CDKN3: variants seen among roughly 807,000 people sequenced by gnomAD.
CDKN3 encodes the protein cyclin-dependent kinase inhibitor 3.
In CDKN3, 19 loss-of-function variants were observed where a neutral mutation model predicts 36.1. That is an observed-to-expected ratio of 0.53 (90% CI 0.37 to 0.77). The LOEUF is 0.77. Ranked by LOEUF, CDKN3 falls within the 30% of genes least tolerant of loss-of-function variation. The pLI is 0.00. For missense variants in CDKN3, 188 were observed against 248.6 expected (o/e 0.76, Z 1.64); for synonymous variants, 71 against 85.3 (o/e 0.83, Z 0.92).
chr14:54,406,427 A>C (rs1224930894), intron 3 of CDKN3, among the ~76,000 whole-genome samples: 1 of 152,086 alleles, frequency 6.6e-6, no homozygotes, highest in East Asian at 1.9e-4. Flanking sequence ...AATATCCTGA[A>C]GTGTGTTTTC....
At chr14:54,404,344 G>A (rs994408351) in intron 3 of CDKN3, among the ~76,000 whole-genome samples, 2 of 152,134 alleles carry the variant, frequency 1.3e-5, no homozygotes, top group African/African-American at 4.8e-5. Flanking sequence ...TTGTAGAGGT[G>A]TTTATAGTAT....
At chr14:54,418,614 A>G (rs1287633518) in intron 7 of CDKN3, among the ~76,000 whole-genome samples, 1 of 152,242 alleles carries the variant, frequency 6.6e-6, no homozygotes, top group African/African-American at 2.4e-5. Context: ...CCCTCTCAGC[A>G]TTAGAATCCG....
chr14:54,409,467 A>C (rs1475030206), intron 4 of CDKN3, among the ~76,000 whole-genome samples: 1 of 152,180 alleles, frequency 6.6e-6, no homozygotes, highest in Non-Finnish European at 1.5e-5. Context: ...GATTCTAACT[A>C]GTATAGATTT....
chr14:54,397,205 C>A, intron 1 of CDKN3, 128 bp downstream of exon 1: 1 of 1,121,878 alleles, frequency 8.9e-7, no homozygotes, highest in Non-Finnish European at 1.2e-6. Flanking sequence ...AACCGTTCTG[C>A]GGGTCGGGGA....
rs558022695 is a variant in CDKN3, at chr14:54,420,049, G to C, written c.610G>C (p.Asp204His). 8 of 1,605,094 alleles carry C rather than the reference G, an allele frequency of 5.0e-6. No homozygotes were observed. The African/African-American group carries it at 1.1e-4, about 21-fold the overall frequency. Residue 204 changes from aspartate to histidine, a missense_variant, in exon 8 of 8, where the codon GAT becomes CAT. Coordinates refer to ENST00000335183, the MANE Select transcript of CDKN3 (RefSeq NM_005192.4). ...ATTAGCTGCACATCTATCATCAAGA[G>C]ATTCACAATCAAGATCTGTATCAAG... ...DKLAAHLSSR[D>H]SQSRSVSR is the part of the protein sequence containing the mutation.
rs760749073 is a variant in CDKN3 at position 54,399,896 on chromosome 14, C to T, written c.12C>T (p.Pro4=). 1 of 1,546,692 alleles carries T rather than the reference C, an allele frequency of 6.5e-7. No individual in the cohort carries two copies. The highest frequency in any genetic ancestry group is 8.9e-7 in the Non-Finnish European group (1 of 1,119,682). Residue 4 remains proline, a splice_region_variant and synonymous_variant, in exon 2 of 8, where the codon CCC becomes CCT. Coordinates refer to ENST00000335183, the MANE Select transcript of CDKN3 (RefSeq NM_005192.4). The part of the protein sequence containing the change: MKP[P]SSIQTSEFDS... Reference sequence around the variant, plus strand: ...TTAACATAACATTTCTTTTGAAGCCCAGTTCAATACAAACAAGTGAGTTTG... The same window carrying T: ...TTAACATAACATTTCTTTTGAAGCCTAGTTCAATACAAACAAGTGAGTTTG...
In CDKN3 at chr14:54,397,085, G is replaced by A. The variant is rs1886327701; in HGVS notation, c.9+8G>A. The A allele has an allele frequency of 1.3e-6, 2 of 1,501,002 alleles. No homozygotes were observed. Among genetic ancestry groups the A allele is most frequent in the Non-Finnish European group, 8.9e-7 (1 of 1,122,086 alleles). The allele number at this position is 1,501,002 out of a possible 1,614,324, so 93.0% of individuals were successfully genotyped here. On this transcript the variant is annotated splice_region_variant and intron_variant, in intron 1 of 7. Coordinates refer to ENST00000335183, the MANE Select transcript of CDKN3 (RefSeq NM_005192.4). ...CGGCCAGCGATGAAGCCGGTGAGTC[G>A]GACGTGCTGGGGTTTGGAGGAGCGA...
rs2029966491 is a variant in CDKN3, at chr14:54,402,081, GC to G, written c.148+504del. ...AAATTAGCTGGGCATGGTGGCACGT[GC>G]CTATAGTCCCAGCTACTTGGGAGGC... On this transcript the variant is annotated intron_variant, in intron 3 of 7. Transcript: ENST00000335183. Among the ~76,000 whole-genome samples, 3 of 151,918 alleles carry G rather than the reference GC, an allele frequency of 2.0e-5. No homozygotes were observed. The South Asian group carries it at 6.2e-4, about 32-fold the overall frequency.
At chr14:54,418,231 G>A (rs1241029606) in intron 7 of CDKN3, 1 of 702,282 alleles carries the variant, frequency 1.4e-6, no homozygotes, top group South Asian at 1.5e-5. Context: ...CTACTTCTCA[G>A]TTTTTGCCCC....
At chr14:54,416,145 C>T (rs751919396) in intron 6 of CDKN3, among the ~76,000 whole-genome samples, 1 of 152,174 alleles carries the variant, frequency 6.6e-6, no homozygotes, top group Non-Finnish European at 1.5e-5. Context: ...TCTGGCAAAA[C>T]ATCATTTACA....
intron 4 of CDKN3, among the ~76,000 whole-genome samples, chr14:54,409,407 G>T (rs186895215): frequency 2.6e-4 from 39 of 152,222 alleles, no homozygotes; most frequent in Admixed American, 1.4e-3. Context: ...AAACCTACTA[G>T]TCCTACCGAT....
At chr14:54,402,198 C>G (rs1594599551) in intron 3 of CDKN3, among the ~76,000 whole-genome samples, 1 of 139,580 alleles carries the variant, frequency 7.2e-6, no homozygotes, top group African/African-American at 2.7e-5. Context: ...GAGCGAGACT[C>G]TGTCTCAAAA....
intron 3 of CDKN3, among the ~76,000 whole-genome samples, chr14:54,402,182 G>A (rs1272763854): frequency 2.0e-5 from 3 of 148,950 alleles, no homozygotes; most frequent in Non-Finnish European, 4.4e-5. Context: ...CTCCAGCCTG[G>A]CAACAGAGCG....
intron 4 of CDKN3, 85 bp downstream of exon 4, chr14:54,408,874 T>G (rs1327798268): frequency 9.2e-6 from 4 of 432,720 alleles, no homozygotes; most frequent in Admixed American, 7.4e-5. Flanking sequence ...AACAAATCAG[T>G]TTTTTTTTAA....
intron 3 of CDKN3, among the ~76,000 whole-genome samples, chr14:54,403,614 T>C (rs2139970596): frequency 6.6e-6 from 1 of 152,372 alleles, no homozygotes; most frequent in Middle Eastern, 3.4e-3. Context: ...TCTTGTCTTA[T>C]GACGGTTTTC....
Position 54,420,070 on chromosome 14 carries a change from T to C in CDKN3, c.631T>C (p.Ser211Pro), listed in dbSNP as rs77036758. The C allele has an allele frequency of 5.7e-6, 9 of 1,585,474 alleles. No homozygotes were observed. Among genetic ancestry groups the C allele is most frequent in the Non-Finnish European group, 7.8e-6 (9 of 1,154,448 alleles). Residue 211 changes from serine to proline, a missense_variant, in exon 8 of 8, where the codon TCA becomes CCA. Transcript: ENST00000335183. ...AAGAGATTCACAATCAAGATCTGTA[T>C]CAAGATAAAGGAATTCAAATAGCAT... ...SSRDSQSRSV[S>P]R
At chr14:54,398,289 C>T (rs977816891) in intron 1 of CDKN3, among the ~76,000 whole-genome samples, 19 of 152,230 alleles carry the variant, frequency 1.2e-4, no homozygotes, top group Non-Finnish European at 2.9e-5. Flanking sequence ...GGGACATCAG[C>T]TGTCCTTCAC....
intron 1 of CDKN3, among the ~76,000 whole-genome samples, chr14:54,399,044 G>T (rs984128715): frequency 7.5e-5 from 10 of 133,202 alleles, no homozygotes; most frequent in African/African-American, 2.5e-4. Context: ...GGAGTGCAGT[G>T]GTGTGTTCCT....
At chr14:54,415,806 G>A in intron 5 of CDKN3, 93 bp from the exon 6 acceptor site, 1 of 871,554 alleles carries the variant, frequency 1.1e-6, no homozygotes, top group Non-Finnish European at 2.0e-6. Context: ...CTAGGCATTA[G>A]AGTTGTAAAT....
Sources: gnomAD v4.1 joint callset for allele counts (sites outside exome capture counted in the v4.1 genomes callset) on GRCh38, gnomAD v4.1.1 for gene constraint, MANE v1.5 for transcripts, NCBI Gene and HGNC (gene_info 2026-07-23, HGNC 2026-07-21) for gene names.